Variants in LIN54 observed in about 807,000 individuals in gnomAD.
The protein encoded by LIN54 is protein lin-54 homolog.
LIN54 carries 9 observed loss-of-function variants against 78.7 expected under a neutral mutation model. That is an observed-to-expected ratio of 0.11 (90% CI 0.07 to 0.20). The LOEUF is 0.20. Among genes scored for constraint, LIN54 ranks in the 10% least tolerant of loss-of-function variants. LIN54 has a pLI of 1.00. For synonymous variants in LIN54, 269 were observed against 318.4 expected, an observed-to-expected ratio of 0.84 and a Z score of 1.65; for missense variants, 573 against 889.9, an observed-to-expected ratio of 0.64 and a Z score of 4.53.
At chr4:82,938,352 A>G in intron 8 of LIN54, 61 bp downstream of exon 8, 1 of 906,534 alleles carries the variant, frequency 1.1e-6, no homozygotes, top group East Asian at 2.4e-5. Context: ...TGGAATATAT[A>G]TATTTACTGT....
chr4:82,971,893 T>C (rs1725682842), intron 3 of LIN54, among the ~76,000 whole-genome samples: 1 of 152,160 alleles, frequency 6.6e-6, no homozygotes, highest in Admixed American at 6.5e-5. Flanking sequence ...TTAGATACTA[T>C]GATTAAACTC....
chr4:82,997,767 C>A (rs191443484), intron 1 of LIN54, among the ~76,000 whole-genome samples: 2 of 150,782 alleles, frequency 1.3e-5, no homozygotes, highest in African/African-American at 4.9e-5. Flanking sequence ...CCAAGGAGGG[C>A]GGATCACCTG....
rs1726941796 is a variant in LIN54, at chr4:82,984,408, C to T, written c.437G>A (p.Gly146Asp). Reference sequence around the variant, plus strand: ...TAAAACAATTGGTGAACCAGACTTGCCCAAAGTTGTTAAAATTAACTTCTG... The same window carrying T: ...TAAAACAATTGGTGAACCAGACTTGTCCAAAGTTGTTAAAATTAACTTCTG... Reference protein sequence around the residue: ...DGQKLILTTLGKSGSPIVLAL... With the variant: ...DGQKLILTTLDKSGSPIVLAL... Residue 146 changes from glycine to aspartate, a missense_variant, in exon 2 of 13, where the codon GGC becomes GAC. By Grantham distance (94) the Gly-to-Asp change is moderately conservative (BLOSUM62 -1). Around this residue, in one of 6 missense-constraint regions of LIN54, gnomAD observed 183 missense variants for 228.4 expected, o/e 0.80. Transcript: ENST00000340417. 3.7e-6 allele frequency: 6 copies of T among 1,614,178 alleles called. No individual in the cohort carries two copies. The highest frequency in any genetic ancestry group is 4.2e-6 in the Non-Finnish European group (5 of 1,180,014).
At chr4:82,933,386 A>T (rs1269773540) in intron 11 of LIN54, among the ~76,000 whole-genome samples, 1 of 151,868 alleles carries the variant, frequency 6.6e-6, no homozygotes, top group East Asian at 1.9e-4. Flanking sequence ...TACCAAAAAA[A>T]AAAAAGATGT....
chr4:82,927,442 T>A lies in LIN54; in HGVS notation c.*660A>T, dbSNP rs1382583841. 6.6e-6 allele frequency: 1 copy of A among 152,240 alleles called. No individual in the cohort carries two copies. Among genetic ancestry groups the A allele is most frequent in the African/African-American group, 2.4e-5 (1 of 41,464 alleles). The allele number at this position is 152,240 out of a possible 1,614,324, so 9.4% of individuals were successfully genotyped here. On this transcript the variant is annotated 3_prime_UTR_variant, in exon 13 of 13. Transcript: ENST00000340417. The stretch of plus-strand genomic sequence containing the variant: ...AGCATCTGTTAGCCTTTCCTTATTA[T>A]AGAAACACATTGCCCATCCTCTGAG...
intron 11 of LIN54, among the ~76,000 whole-genome samples, chr4:82,934,140 C>A (rs544300489): frequency 6.6e-6 from 1 of 152,192 alleles, no homozygotes; most frequent in Non-Finnish European, 1.5e-5. Flanking sequence ...GACGGTGGCT[C>A]ATGCCTGTAA....
intron 1 of LIN54, among the ~76,000 whole-genome samples, chr4:83,005,084 C>A (rs371801435): frequency 6.6e-6 from 1 of 151,886 alleles, no homozygotes; most frequent in African/African-American, 2.4e-5. Context: ...TTAGTAGAGA[C>A]GAGGTTTTGC....
intron 1 of LIN54, among the ~76,000 whole-genome samples, chr4:83,008,212 C>G (rs966535290): frequency 5.9e-5 from 9 of 152,138 alleles, no homozygotes; most frequent in African/African-American, 9.7e-5. Context: ...GCAGCAAGAC[C>G]CCACTGAATT....
rs1374221795 is a variant in LIN54, at chr4:82,938,421, T to C, written c.1524A>G (p.Pro508=). The C allele has an allele frequency of 6.3e-7, 1 of 1,598,682 alleles. No individual in the cohort carries two copies. The highest frequency in any genetic ancestry group is 8.6e-7 in the Non-Finnish European group (1 of 1,166,060). ...ATTTTCAAAATACTCACCCATTGAA[T>C]GGAAGCCGTGCCTGGGTCTGGATAC... ...TSGIQTQARL[P]FNGIIPSESA... The change falls in exon 8 of 13, where the codon CCA becomes CCG. Residue 508 remains proline (P), a synonymous_variant. Coordinates refer to ENST00000340417, the MANE Select transcript of LIN54 (RefSeq NM_194282.4).
In LIN54 at chr4:82,978,915, T is replaced by C. The variant is rs1375179077; in HGVS notation, c.776A>G (p.Gln259Arg). 6.3e-7 allele frequency: 1 copy of C among 1,578,142 alleles called. No homozygotes were observed. The change falls in exon 3 of 13, where the codon CAG becomes CGG. Residue 259 changes from glutamine to arginine, a missense_variant. By Grantham distance (43) the Gln-to-Arg change is conservative (BLOSUM62 1). This residue lies in a region of LIN54 where 199 missense variants were observed against 260.9 expected (regional missense o/e 0.76). Transcript: ENST00000340417. ...KPINSKAVTGQTTQVSPPVIA... is the reference protein window; with the variant it reads ...KPINSKAVTGRTTQVSPPVIA... The stretch of plus-strand genomic sequence containing the variant: ...AACTGGTGGTGAAACTTGAGTTGTC[T>C]GTCCTGTAACTGCTTTACTATTAAT...
chr4:82,984,451 T>C lies in LIN54; in HGVS notation c.394A>G (p.Thr132Ala), dbSNP rs1455398400. ...QTSDLKLGNQ[T>A]LKPDGQKLIL... The stretch of plus-strand genomic sequence containing the variant: ...AACTTCTGTCCATCTGGTTTAAGGG[T>C]CTGATTGCCAAGTTTAAGATCAGAT... The change falls in exon 2 of 13, where the codon ACC becomes GCC. Residue 132 changes from threonine (T) to alanine (A), a missense_variant. By Grantham distance (58) the Thr-to-Ala change is moderately conservative. Transcript: ENST00000340417. 2 of 1,614,208 alleles carry C rather than the reference T, an allele frequency of 1.2e-6. No individual in the cohort carries two copies. The highest frequency in any genetic ancestry group is 1.1e-5 in the South Asian group (1 of 91,082).
At chr4:82,986,285 T>C (rs541634628) in intron 1 of LIN54, among the ~76,000 whole-genome samples, 47 of 152,144 alleles carry the variant, frequency 3.1e-4, no homozygotes, top group Non-Finnish European at 5.9e-4. Context: ...CCAGCTAATT[T>C]TTTGTATTTT....
intron 9 of LIN54, among the ~76,000 whole-genome samples, chr4:82,936,730 A>G (rs1483658032): frequency 6.6e-6 from 1 of 152,212 alleles, no homozygotes; most frequent in Admixed American, 6.5e-5. Flanking sequence ...GAAAAAGGAA[A>G]AACACTAGCT....
chr4:82,934,394 A>C (rs1000609475), intron 11 of LIN54, among the ~76,000 whole-genome samples: 14 of 152,234 alleles, frequency 9.2e-5, no homozygotes, highest in Non-Finnish European at 1.8e-4. Context: ...CGACAGGGCG[A>C]GACTCCGTCT....
At chr4:82,999,165 A>G (rs1728517384) in intron 1 of LIN54, among the ~76,000 whole-genome samples, 1 of 152,198 alleles carries the variant, frequency 6.6e-6, no homozygotes, top group Admixed American at 6.5e-5. Flanking sequence ...ATTTTTCATT[A>G]TGTTTAATGC....
chr4:82,996,976 A>C (rs1029667423), intron 1 of LIN54, among the ~76,000 whole-genome samples: 1 of 152,006 alleles, frequency 6.6e-6, no homozygotes, highest in African/African-American at 2.4e-5. Flanking sequence ...CACAGCATCT[A>C]TCACAATCAG....
intron 8 of LIN54, among the ~76,000 whole-genome samples, chr4:82,937,880 C>T (rs1458469406): frequency 6.6e-6 from 1 of 152,160 alleles, no homozygotes; most frequent in African/African-American, 2.4e-5. Flanking sequence ...CCTGGAATCC[C>T]AGCACTCTGG....
At chr4:83,004,483 AAAGAAATAC>A (rs1729154996) in intron 1 of LIN54, among the ~76,000 whole-genome samples, 1 of 144,668 alleles carries the variant, frequency 6.9e-6, no homozygotes, top group Non-Finnish European at 1.6e-5. Context: ...TTCACTATGG[AAAGAAATAC>A]ATTTTTGTTT....
intron 1 of LIN54, 72 bp from the exon 2 acceptor site, chr4:82,984,948 G>T (rs1726991165): frequency 1.0e-6 from 1 of 989,434 alleles, no homozygotes; most frequent in Non-Finnish European, 1.5e-6. Context: ...CAAAAAAAAT[G>T]CAAATGGCAA....
Sources: allele counts gnomAD v4.1 joint callset (sites outside exome capture counted in the v4.1 genomes callset), GRCh38; gene constraint gnomAD v4.1.1; regional missense constraint gnomAD v4.1.1; transcripts MANE v1.5; gene names NCBI Gene and HGNC (gene_info 2026-07-23, HGNC 2026-07-21).